PBX3: variants seen among roughly 807,000 people sequenced by gnomAD.
The protein encoded by PBX3 is pre-B-cell leukemia transcription factor 3.
PBX3 carries 14 observed loss-of-function variants against 48.5 expected under a neutral mutation model. The observed-to-expected ratio is 0.29, with a 90% CI of 0.19 to 0.45. The LOEUF (loss-of-function observed/expected upper bound fraction) is 0.45, where lower values mean the gene tolerates loss of function less well. Among genes scored for constraint, PBX3 ranks in the 20% least tolerant of loss-of-function variants. The pLI, the probability that PBX3 is intolerant of heterozygous loss-of-function variation, is 1.00. For missense variants in PBX3, 386 were observed against 546.7 expected (o/e 0.71, Z 2.93); for synonymous variants, 210 against 200.3 (o/e 1.05, Z -0.41).
intron 2 of PBX3, among the ~76,000 whole-genome samples, chr9:125,853,072 T>A (rs1458786007): frequency 1.3e-5 from 2 of 152,188 alleles, no homozygotes; most frequent in Non-Finnish European, 2.9e-5. Flanking sequence ...GTGGAGTCAG[T>A]ATCTGTATAA....
At chr9:125,903,986 TA>T (rs944218375) in intron 2 of PBX3, among the ~76,000 whole-genome samples, 8 of 151,784 alleles carry the variant, frequency 5.3e-5, no homozygotes, top group African/African-American at 1.9e-4. Context: ...CTGCCTTACT[TA>T]GGGGTGATTA....
intron 2 of PBX3, among the ~76,000 whole-genome samples, chr9:125,882,667 A>G (rs1212697440): frequency 1.3e-5 from 2 of 152,262 alleles, no homozygotes; most frequent in African/African-American, 4.8e-5. Flanking sequence ...TGTTGTAAAT[A>G]CATGTTGTCA....
intron 5 of PBX3, among the ~76,000 whole-genome samples, chr9:125,946,245 AT>A (rs904740076): frequency 1.3e-5 from 2 of 151,702 alleles, no homozygotes; most frequent in Non-Finnish European, 2.9e-5. Context: ...CAAATACAAA[AT>A]TTTTTTTTGG....
chr9:125,893,227 C>T (rs1026409027), intron 2 of PBX3, among the ~76,000 whole-genome samples: 3 of 152,176 alleles, frequency 2.0e-5, no homozygotes, highest in African/African-American at 7.2e-5. Context: ...TATGCTTTCC[C>T]TTTCATAGGG....
chr9:125,898,612 GA>G (rs1840832244), intron 2 of PBX3, among the ~76,000 whole-genome samples: 1 of 151,792 alleles, frequency 6.6e-6, no homozygotes, highest in East Asian at 1.9e-4. Flanking sequence ...TCATTTGATA[GA>G]TGAGGGAAAT....
intron 2 of PBX3, among the ~76,000 whole-genome samples, chr9:125,899,620 G>A (rs10987012): frequency 0.06 from 8,990 of 150,992 alleles, 625 homozygotes; most frequent in East Asian, 0.17. Flanking sequence ...GAAGATTTCA[G>A]TACCTCAGTT....
intron 2 of PBX3, among the ~76,000 whole-genome samples, chr9:125,791,488 T>C (rs989327057): frequency 2.6e-5 from 4 of 152,080 alleles, no homozygotes; most frequent in Non-Finnish European, 5.9e-5. Flanking sequence ...ATTTCCCTCT[T>C]GCTGTTCTTA....
intron 2 of PBX3, among the ~76,000 whole-genome samples, chr9:125,783,963 C>T (rs183431405): frequency 1.1e-4 from 17 of 152,180 alleles, no homozygotes; most frequent in Non-Finnish European, 1.8e-4. Context: ...GTCATGCCAC[C>T]GCACTGCAGC....
chr9:125,895,264 G>A (rs1296915524), intron 2 of PBX3, among the ~76,000 whole-genome samples: 1 of 152,068 alleles, frequency 6.6e-6, no homozygotes, highest in African/African-American at 2.4e-5. Flanking sequence ...AGACATACCT[G>A]TAAGCTAATT....
chr9:125,917,582 C>G (rs1484448644), intron 3 of PBX3, among the ~76,000 whole-genome samples: 1 of 151,144 alleles, frequency 6.6e-6, no homozygotes, highest in African/African-American at 2.5e-5. Flanking sequence ...AACCCCTGAT[C>G]AGTTTTAATA....
intron 6 of PBX3, among the ~76,000 whole-genome samples, chr9:125,961,607 G>A (rs928838679): frequency 6.6e-6 from 1 of 152,062 alleles, no homozygotes; most frequent in African/African-American, 2.4e-5. Context: ...TGTTTGTTTT[G>A]TCTTGTCTCC....
At chr9:125,869,657 A>G (rs1173073738) in intron 2 of PBX3, among the ~76,000 whole-genome samples, 2 of 152,226 alleles carry the variant, frequency 1.3e-5, no homozygotes, top group East Asian at 1.9e-4. Context: ...CTTTCCATGG[A>G]AAATACCTGG....
chr9:125,793,037 A>G (rs908167287), intron 2 of PBX3, among the ~76,000 whole-genome samples: 4 of 151,808 alleles, frequency 2.6e-5, no homozygotes, highest in African/African-American at 9.7e-5. Flanking sequence ...CTTATTTAAA[A>G]TGTACAATTT....
At chr9:125,924,234 A>G (rs1234610156) in intron 3 of PBX3, among the ~76,000 whole-genome samples, 1 of 152,194 alleles carries the variant, frequency 6.6e-6, no homozygotes, top group African/African-American at 2.4e-5. Flanking sequence ...TTTAAAAACA[A>G]AAAACCTTAA....
chr9:125,958,292 C>G (rs1251994465), intron 5 of PBX3, among the ~76,000 whole-genome samples: 1 of 152,236 alleles, frequency 6.6e-6, no homozygotes, highest in Non-Finnish European at 1.5e-5. Flanking sequence ...ACTGCTCTGC[C>G]TGGCTCAGGC....
chr9:125,864,985 T>C (rs577199030), intron 2 of PBX3, among the ~76,000 whole-genome samples: 21 of 152,268 alleles, frequency 1.4e-4, no homozygotes, highest in Non-Finnish European at 2.8e-4. Context: ...GCTCATTTTG[T>C]CTTTTATTTT....
chr9:125,826,825 G>T (rs966582854), intron 2 of PBX3, among the ~76,000 whole-genome samples: 3 of 152,064 alleles, frequency 2.0e-5, no homozygotes, highest in Non-Finnish European at 4.4e-5. Flanking sequence ...GATCAAGTCA[G>T]AGTATTTAAG....
At chr9:125,891,133 G>A (rs1199031559) in intron 2 of PBX3, among the ~76,000 whole-genome samples, 1 of 152,096 alleles carries the variant, frequency 6.6e-6, no homozygotes, top group Admixed American at 6.5e-5. Context: ...CTTTAAAAAT[G>A]TTTACTCTTT....
Position 125,839,313 on chromosome 9 carries a change from G to T in PBX3, c.275-76373G>T, listed in dbSNP as rs1839223285. Among the ~76,000 whole-genome samples, 4 of 152,146 alleles carry T rather than the reference G, an allele frequency of 2.6e-5. 1 individual carries two copies. In the South Asian group the frequency reaches 8.3e-4, roughly 32 times the overall value. On this transcript the variant is annotated intron_variant, in intron 2 of 8. Coordinates refer to ENST00000373489, the MANE Select transcript of PBX3 (RefSeq NM_006195.6). ...CAGTTAAATCTCATTCATTGTTGTA[G>T]ATTTGAGGAATCAAGAGGCAACATG...
Sources: allele counts gnomAD v4.1 joint callset (sites outside exome capture counted in the v4.1 genomes callset), GRCh38; gene constraint gnomAD v4.1.1; transcripts MANE v1.5; gene names NCBI Gene and HGNC (gene_info 2026-07-23, HGNC 2026-07-21).